HMCN1: variants seen among roughly 807,000 people sequenced by gnomAD.
The protein encoded by HMCN1 is hemicentin-1.
A neutral mutation model predicts 625.9 loss-of-function variants in HMCN1; 321 were observed. That is an observed-to-expected ratio of 0.51 (90% CI 0.47 to 0.56). The LOEUF (loss-of-function observed/expected upper bound fraction) is 0.56, where lower values mean the gene tolerates loss of function less well. Among genes scored for constraint, HMCN1 ranks in the 20% least tolerant of loss-of-function variants. The pLI, the probability that HMCN1 is intolerant of heterozygous loss-of-function variation, is 0.00. For missense variants in HMCN1, 6,588 were observed against 6,887.3 expected (o/e 0.96, Z 1.54); for synonymous variants, 2,425 against 2,417.6 (o/e 1.00, Z -0.09).
chr1:185,758,433 C>T (rs1046965959), intron 1 of HMCN1, among the ~76,000 whole-genome samples: 5 of 152,092 alleles, frequency 3.3e-5, no homozygotes, highest in African/African-American at 1.2e-4. Flanking sequence ...CTCAGGAGTT[C>T]AAGACCAGCT....
chr1:186,047,610 C>T (rs1656661219), intron 41 of HMCN1, among the ~76,000 whole-genome samples: 1 of 152,122 alleles, frequency 6.6e-6, no homozygotes, highest in African/African-American at 2.4e-5. Flanking sequence ...TCCCTCCTCT[C>T]TATTATTCCC....
intron 1 of HMCN1, among the ~76,000 whole-genome samples, chr1:185,745,075 G>A (rs1654294704): frequency 6.6e-6 from 1 of 152,136 alleles, no homozygotes; most frequent in Admixed American, 6.6e-5. Context: ...TTGCCTTTTG[G>A]AGGTTAAAAT....
intron 1 of HMCN1, among the ~76,000 whole-genome samples, chr1:185,780,707 T>C (rs893739919): frequency 4.6e-5 from 7 of 152,294 alleles, no homozygotes; most frequent in East Asian, 1.9e-4. Flanking sequence ...CCCACTTGAT[T>C]GTGGTGGATA....
intron 1 of HMCN1, among the ~76,000 whole-genome samples, chr1:185,815,481 A>G (rs150379495): frequency 1.3e-5 from 2 of 150,454 alleles, no homozygotes; most frequent in African/African-American, 5.0e-5. Flanking sequence ...GTACTTAAAC[A>G]TAGGATGTAC....
intron 6 of HMCN1, among the ~76,000 whole-genome samples, chr1:185,913,045 T>C (rs1666515503): frequency 6.6e-6 from 1 of 152,168 alleles, no homozygotes; most frequent in Non-Finnish European, 1.5e-5. Context: ...ACTCCATTAA[T>C]GTCCCCAGTT....
At chr1:185,957,627 A>G (rs1419047216) in intron 11 of HMCN1, among the ~76,000 whole-genome samples, 1 of 152,190 alleles carries the variant, frequency 6.6e-6, no homozygotes, top group South Asian at 2.1e-4. Flanking sequence ...CATCTCCTGC[A>G]TAATCACATG....
intron 99 of HMCN1, 37 bp downstream of exon 99, chr1:186,166,340 G>A (rs1360707472): frequency 6.2e-7 from 1 of 1,613,118 alleles, no homozygotes; most frequent in Non-Finnish European, 8.5e-7. Context: ...TAAGCAATGG[G>A]TCAAGGATTT....
At chr1:186,181,296 C>A (rs1198548447) in intron 104 of HMCN1, among the ~76,000 whole-genome samples, 1 of 152,166 alleles carries the variant, frequency 6.6e-6, no homozygotes, top group Non-Finnish European at 1.5e-5. Flanking sequence ...CAAAACACCA[C>A]TGGGACAAGA....
At chr1:185,869,790 G>A (rs965584442) in intron 4 of HMCN1, among the ~76,000 whole-genome samples, 1 of 152,070 alleles carries the variant, frequency 6.6e-6, no homozygotes, top group African/African-American at 2.4e-5. Flanking sequence ...GAACTCTAGG[G>A]AAAACAGATG....
intron 41 of HMCN1, among the ~76,000 whole-genome samples, chr1:186,047,210 G>T (rs1320030066): frequency 6.6e-6 from 1 of 152,078 alleles, no homozygotes; most frequent in Non-Finnish European, 1.5e-5. Context: ...AGAAAGAAAA[G>T]ACCAGAATCA....
intron 96 of HMCN1, among the ~76,000 whole-genome samples, chr1:186,153,509 T>C (rs1252925059): frequency 6.6e-6 from 1 of 151,648 alleles, no homozygotes; most frequent in Non-Finnish European, 1.5e-5. Flanking sequence ...TCTACAAACT[T>C]ATTTTTCTAG....
At chr1:185,782,966 A>G (rs1657250536) in intron 1 of HMCN1, among the ~76,000 whole-genome samples, 1 of 152,020 alleles carries the variant, frequency 6.6e-6, no homozygotes, top group African/African-American at 2.4e-5. Flanking sequence ...CATTCTCCCC[A>G]TTGCTTTCAG....
chr1:185,798,423 A>G (rs1658553526), intron 1 of HMCN1, among the ~76,000 whole-genome samples: 1 of 152,176 alleles, frequency 6.6e-6, no homozygotes, highest in African/African-American at 2.4e-5. Flanking sequence ...CTAAATCTCT[A>G]GCAAGACTTG....
At chr1:186,022,665 TTTAAAACTA>T in intron 35 of HMCN1, among the ~76,000 whole-genome samples, 1 of 152,282 alleles carries the variant, frequency 6.6e-6, no homozygotes, top group East Asian at 1.9e-4. Flanking sequence ...AAGTCATTGT[TTTAAAACTA>T]TGAATTTTTA....
intron 81 of HMCN1, among the ~76,000 whole-genome samples, chr1:186,125,127 T>TG (rs1448311956): frequency 5.9e-5 from 9 of 151,736 alleles, no homozygotes; most frequent in African/African-American, 1.9e-4. Context: ...CTGCAATAAG[T>TG]ATTTTTTTTT....
chr1:186,003,252 T>C (rs529795197), intron 28 of HMCN1, among the ~76,000 whole-genome samples: 1 of 152,158 alleles, frequency 6.6e-6, no homozygotes, highest in Non-Finnish European at 1.5e-5. Flanking sequence ...TTATTTTTCA[T>C]GTTATATTGC....
At chr1:185,945,552 C>T (rs1304400515) in intron 11 of HMCN1, among the ~76,000 whole-genome samples, 4 of 152,072 alleles carry the variant, frequency 2.6e-5, no homozygotes, top group Non-Finnish European at 5.9e-5. Flanking sequence ...ATTTACAATA[C>T]GATGTCATAA....
At chr1:185,880,513 G>A (rs1224107604) in intron 4 of HMCN1, among the ~76,000 whole-genome samples, 1 of 152,086 alleles carries the variant, frequency 6.6e-6, no homozygotes, top group Non-Finnish European at 1.5e-5. Context: ...TGTTGCAATA[G>A]CCAACCACCA....
At position 186,125,809 on chromosome 1, in the gene HMCN1, C is replaced by G. The variant is rs374516199; in HGVS notation, c.12690+15C>G. 146 of 1,592,650 alleles carry G rather than the reference C, an allele frequency of 9.2e-5. 2 individuals are homozygous for G. In the African/African-American group the frequency reaches 1.7e-3, roughly 19 times the overall value. The stretch of plus-strand genomic sequence containing the variant: ...AAAATGTTGTGGTAAGTTTAATGGA[C>G]GTGAACAGATACATTAAGCCAGATT... On this transcript the variant is annotated intron_variant, in intron 82 of 106. Coordinates refer to ENST00000271588, the MANE Select transcript of HMCN1 (RefSeq NM_031935.3).
Sources: gnomAD v4.1 joint callset for allele counts (sites outside exome capture counted in the v4.1 genomes callset) on GRCh38, gnomAD v4.1.1 for gene constraint, MANE v1.5 for transcripts, NCBI Gene and HGNC (gene_info 2026-07-23, HGNC 2026-07-21) for gene names.